PTPRO: variants seen among roughly 807,000 people sequenced by gnomAD.
PTPRO encodes the protein protein tyrosine phosphatase receptor type O, also known as receptor-type tyrosine-protein phosphatase O.
In PTPRO, 62 loss-of-function variants were observed where a neutral mutation model predicts 145.2. That is an observed-to-expected ratio of 0.43 (90% CI 0.35 to 0.53). PTPRO has a LOEUF of 0.53. PTPRO is among the 20% of genes least tolerant of loss of function. The probability of loss-of-function intolerance (pLI) is 0.01; values close to 1 mark genes in which losing one functional copy is unlikely to be tolerated. For synonymous variants in PTPRO, 565 were observed against 514.7 expected (o/e 1.10, Z -1.32); for missense variants, 1,345 against 1,482.7 (o/e 0.91, Z 1.53).
At chr12:15,512,348 C>T (rs575015149) in intron 7 of PTPRO, among the ~76,000 whole-genome samples, 1 of 152,222 alleles carries the variant, frequency 6.6e-6, no homozygotes, top group African/African-American at 2.4e-5. Context: ...CTCCCAACCT[C>T]AGGTGATCTG....
chr12:15,520,302 C>T lies in PTPRO; in HGVS notation c.1881C>T (p.Ser627=). The change falls in exon 10 of 27, where the codon AGC becomes AGT. Residue 627 remains serine, a synonymous_variant. Transcript: ENST00000281171. The part of the protein sequence containing the change: ...ELSCCDSSTI[S]FITAPVAPEI... The stretch of plus-strand genomic sequence containing the variant: ...GCTGCTGTGACAGCTCTACCATCAG[C>T]TTCATAACAGGTGAGGCATGTGTGG... 1 of 1,610,516 alleles carries T rather than the reference C, an allele frequency of 6.2e-7. No homozygotes were observed. The highest frequency in any genetic ancestry group is 8.5e-7 in the Non-Finnish European group (1 of 1,176,888).
At chr12:15,533,656 T>C (rs1041821969) in intron 12 of PTPRO, among the ~76,000 whole-genome samples, 5 of 152,150 alleles carry the variant, frequency 3.3e-5, no homozygotes, top group African/African-American at 1.2e-4. Flanking sequence ...TTGTGTGTGT[T>C]TGTGTGTGTT....
At position 15,347,120 on chromosome 12, in the gene PTPRO, T is replaced by C. The variant is rs572309371; in HGVS notation, c.75+24319T>C. Among the ~76,000 whole-genome samples the C allele has an allele frequency of 2.6e-5, 4 of 152,318 alleles. No homozygotes were observed. In the South Asian group the frequency reaches 6.2e-4, roughly 24 times the overall value. ...GATACTCCATTCACAAATGCATTCC[T>C]GACCTCCTCTCCTTTAAAAATGGGA... is the stretch of plus-strand genomic sequence containing the variant. On this transcript the variant is annotated intron_variant, in intron 1 of 26. Transcript: ENST00000281171.
chr12:15,580,836 G>A lies in PTPRO; in HGVS notation c.3132+5G>A, dbSNP rs772393564. 1.2e-6 allele frequency: 2 copies of A among 1,613,840 alleles called. No individual in the cohort carries two copies. Among genetic ancestry groups the A allele is most frequent in the Non-Finnish European group, 1.7e-6 (2 of 1,179,794 alleles). On this transcript the variant is annotated splice_donor_5th_base_variant and intron_variant, in intron 22 of 26. Transcript: ENST00000281171. The stretch of plus-strand genomic sequence containing the variant: ...CAGTGTAATGAGAAAAGGAGGGTAC[G>A]TACTTACTGAAACTGCTCCCACTTA...
chr12:15,467,522 C>T (rs1022368052), intron 1 of PTPRO, among the ~76,000 whole-genome samples: 3 of 151,888 alleles, frequency 2.0e-5, no homozygotes, highest in Non-Finnish European at 4.4e-5. Flanking sequence ...CTTCTAAATT[C>T]CCCCCAATAC....
chr12:15,437,313 A>T (rs1284808455), intron 1 of PTPRO, among the ~76,000 whole-genome samples: 1 of 151,182 alleles, frequency 6.6e-6, no homozygotes, highest in Non-Finnish European at 1.5e-5. Context: ...GAGTCACCCC[A>T]CCCCTCATGT....
At chr12:15,505,632 C>A (rs1021774682) in intron 6 of PTPRO, among the ~76,000 whole-genome samples, 2 of 152,042 alleles carry the variant, frequency 1.3e-5, no homozygotes, top group Admixed American at 1.3e-4. Flanking sequence ...TTCAGATGTA[C>A]CATGTATACT....
intron 1 of PTPRO, among the ~76,000 whole-genome samples, chr12:15,469,627 T>A (rs913988616): frequency 3.3e-5 from 5 of 152,162 alleles, no homozygotes; most frequent in African/African-American, 1.2e-4. Flanking sequence ...GGCTGTCATT[T>A]GCAGACAAAA....
intron 1 of PTPRO, among the ~76,000 whole-genome samples, chr12:15,328,491 T>C (rs2136196188): frequency 6.6e-6 from 1 of 152,366 alleles, no homozygotes; most frequent in South Asian, 2.1e-4. Context: ...AAAAGGTTTT[T>C]TTCTTTCCTT....
At chr12:15,508,826 G>A (rs1942376498) in intron 7 of PTPRO, 59 bp downstream of exon 7, 4 of 1,548,012 alleles carry the variant, frequency 2.6e-6, no homozygotes, top group African/African-American at 1.4e-5. Context: ...ACCTTACAGG[G>A]CAATGCCAAG....
At chr12:15,534,168 G>C (rs950349743) in intron 12 of PTPRO, among the ~76,000 whole-genome samples, 2 of 152,090 alleles carry the variant, frequency 1.3e-5, no homozygotes, top group South Asian at 4.1e-4. Flanking sequence ...TGTGGTGACA[G>C]GTCCCTTTGA....
intron 12 of PTPRO, among the ~76,000 whole-genome samples, chr12:15,540,025 C>A (rs1169390035): frequency 1.3e-5 from 2 of 151,750 alleles, no homozygotes; most frequent in Admixed American, 6.6e-5. Context: ...TAATAAACTT[C>A]AGGTCTAACA....
At chr12:15,529,137 T>C (rs1268740019) in intron 12 of PTPRO, among the ~76,000 whole-genome samples, 1 of 152,128 alleles carries the variant, frequency 6.6e-6, no homozygotes, top group Non-Finnish European at 1.5e-5. Context: ...TGGTGTACAA[T>C]CCATCCATAA....
chr12:15,358,036 C>T (rs1413471748), intron 1 of PTPRO, among the ~76,000 whole-genome samples: 1 of 151,432 alleles, frequency 6.6e-6, no homozygotes, highest in Non-Finnish European at 1.5e-5. Context: ...CACATATACA[C>T]CATGGAATAC....
intron 1 of PTPRO, among the ~76,000 whole-genome samples, chr12:15,439,314 A>G (rs1408219591): frequency 6.6e-5 from 10 of 152,202 alleles, no homozygotes; most frequent in Admixed American, 3.9e-4. Context: ...TGTAACCGCA[A>G]AAACACACTT....
chr12:15,448,361 G>A (rs868154328), intron 1 of PTPRO, among the ~76,000 whole-genome samples: 629 of 11,522 alleles, frequency 0.055, no homozygotes, highest in Middle Eastern at 0.17. Context: ...AAAAAAAAAA[G>A]CACCGATTGA....
At chr12:15,450,057 T>G (rs141703426) in intron 1 of PTPRO, among the ~76,000 whole-genome samples, 1 of 152,358 alleles carries the variant, frequency 6.6e-6, no homozygotes, top group African/African-American at 2.4e-5. Flanking sequence ...CTTCTCTTTT[T>G]CTTGTCATGC....
At chr12:15,372,392 AG>A (rs1938557735) in intron 1 of PTPRO, among the ~76,000 whole-genome samples, 1 of 152,178 alleles carries the variant, frequency 6.6e-6, no homozygotes, top group Non-Finnish European at 1.5e-5. Context: ...TTCATCAAAA[AG>A]ATCCCTAAAG....
Position 15,336,476 on chromosome 12 carries a change from T to C in PTPRO, c.75+13675T>C, listed in dbSNP as rs865968557. ...AATTTGTTGAGCAAAGAGATTGTTG[T>C]CTATGTATGTGCCCACCATTAGTGT... On this transcript the variant is annotated intron_variant, in intron 1 of 26. Transcript: ENST00000281171. 1.7e-4 allele frequency among the ~76,000 whole-genome samples: 26 copies of C among 152,354 alleles called. No homozygotes were observed. The Middle Eastern group carries it at 0.01, about 60-fold the overall frequency.
Sources: gnomAD v4.1 joint callset for allele counts (sites outside exome capture counted in the v4.1 genomes callset) on GRCh38, gnomAD v4.1.1 for gene constraint, MANE v1.5 for transcripts, NCBI Gene and HGNC (gene_info 2026-07-23, HGNC 2026-07-21) for gene names.